CTNNA2: variants seen among roughly 807,000 people sequenced by gnomAD.
CTNNA2 encodes catenin alpha 2.
Under a neutral mutation model 101.0 loss-of-function variants are expected in CTNNA2, and 42 were observed. The ratio of observed to expected loss-of-function variants is 0.42; its 90% CI spans 0.32 to 0.54. CTNNA2 has a LOEUF of 0.54. Among genes scored for constraint, CTNNA2 ranks in the 20% least tolerant of loss-of-function variants. The pLI, the probability that CTNNA2 is intolerant of heterozygous loss-of-function variation, is 0.14. For missense variants in CTNNA2, 871 were observed against 1,223.1 expected, an observed-to-expected ratio of 0.71 and a Z score of 4.29; for synonymous variants, 450 against 456.4, an observed-to-expected ratio of 0.99 and a Z score of 0.18.
At chr2:79,350,358 T>C (rs1416697909) in intron 3 of CTNNA2, among the ~76,000 whole-genome samples, 1 of 152,168 alleles carries the variant, frequency 6.6e-6, no homozygotes, top group Non-Finnish European at 1.5e-5. Context: ...ATTGTTTAGC[T>C]ACCACTTATA....
chr2:80,514,753 G>A (rs570652339), intron 9 of CTNNA2, among the ~76,000 whole-genome samples: 18 of 152,200 alleles, frequency 1.2e-4, no homozygotes, highest in South Asian at 6.2e-4. Flanking sequence ...CAGTCAAGCC[G>A]CTTCTGTCTC....
At chr2:80,155,765 CA>C (rs1426305178) in intron 7 of CTNNA2, among the ~76,000 whole-genome samples, 1 of 152,068 alleles carries the variant, frequency 6.6e-6, no homozygotes, top group Non-Finnish European at 1.5e-5. Context: ...TTGACCCTCT[CA>C]AAATTAAAAT....
chr2:80,055,203 A>T (rs1455030868), intron 7 of CTNNA2, among the ~76,000 whole-genome samples: 4 of 151,728 alleles, frequency 2.6e-5, no homozygotes, highest in Non-Finnish European at 5.9e-5. Flanking sequence ...ACTTCTTTTC[A>T]TTTTTTTAAG....
At chr2:80,586,386 C>A (rs1695973252) in intron 14 of CTNNA2, 1 of 152,134 alleles carries the variant, frequency 6.6e-6, no homozygotes, top group Non-Finnish European at 1.5e-5. Flanking sequence ...GTCTGGGAGT[C>A]TGCTGGTAGT....
chr2:80,372,605 G>A (rs753705215), intron 7 of CTNNA2, among the ~76,000 whole-genome samples: 5 of 151,540 alleles, frequency 3.3e-5, no homozygotes, highest in African/African-American at 7.3e-5. Flanking sequence ...AACAATCAAG[G>A]TCAAGTGTTT....
intron 3 of CTNNA2, among the ~76,000 whole-genome samples, chr2:79,822,112 T>C (rs1266180830): frequency 1.3e-5 from 2 of 152,196 alleles, no homozygotes; most frequent in Non-Finnish European, 2.9e-5. Context: ...GGTAGCTTTA[T>C]TTCAGAAAGT....
chr2:79,565,310 A>G (rs1359822674), intron 1 of CTNNA2, among the ~76,000 whole-genome samples: 1 of 151,708 alleles, frequency 6.6e-6, no homozygotes, highest in East Asian at 1.9e-4. Flanking sequence ...CTGGTTTCCC[A>G]CCTCAGGTTG....
At chr2:80,222,284 C>G (rs1003714631) in intron 7 of CTNNA2, among the ~76,000 whole-genome samples, 3 of 152,144 alleles carry the variant, frequency 2.0e-5, no homozygotes, top group African/African-American at 7.2e-5. Context: ...AGTCTTACTT[C>G]CACAATAAAT....
chr2:80,313,325 T>A, intron 7 of CTNNA2: 1 of 1,239,150 alleles, frequency 8.1e-7, no homozygotes, highest in Non-Finnish European at 1.0e-6. Context: ...ACGTGTTTGC[T>A]GCTATTCTTG....
chr2:79,692,799 C>G (rs1005563930), intron 2 of CTNNA2, among the ~76,000 whole-genome samples: 1 of 144,664 alleles, frequency 6.9e-6, no homozygotes, highest in Non-Finnish European at 1.5e-5. Flanking sequence ...CACATGTTCT[C>G]ACTCATAAGT....
At chr2:79,188,384 A>G (rs1673810125) in intron 1 of CTNNA2, among the ~76,000 whole-genome samples, 1 of 152,042 alleles carries the variant, frequency 6.6e-6, no homozygotes, top group South Asian at 2.1e-4. Context: ...GATTCTCATC[A>G]TTTTCTGGCT....
intron 7 of CTNNA2, among the ~76,000 whole-genome samples, chr2:79,916,102 T>C (rs544663231): frequency 1.3e-5 from 2 of 152,326 alleles, no homozygotes; most frequent in South Asian, 2.1e-4. Flanking sequence ...CCTATTATTA[T>C]GTAGATGAGG....
chr2:79,939,898 G>A (rs1688036047), intron 7 of CTNNA2, among the ~76,000 whole-genome samples: 1 of 152,250 alleles, frequency 6.6e-6, no homozygotes, highest in South Asian at 2.1e-4. Context: ...TTCGAGACCA[G>A]CCTGACCAAC....
intron 18 of CTNNA2, among the ~76,000 whole-genome samples, chr2:80,645,179 TTAAC>T: frequency 6.6e-6 from 1 of 152,286 alleles, no homozygotes; most frequent in South Asian, 2.1e-4. Flanking sequence ...TGCGATAGAA[TTAAC>T]TAATTTTATG....
At chr2:79,697,541 T>G (rs2104736487) in intron 2 of CTNNA2, among the ~76,000 whole-genome samples, 1 of 152,194 alleles carries the variant, frequency 6.6e-6, no homozygotes, top group Admixed American at 6.5e-5. Context: ...GTTTGTGATT[T>G]AAGTGTTTGA....
At chr2:79,504,312 C>T (rs541155259) in intron 4 of CTNNA2, among the ~76,000 whole-genome samples, 6 of 151,704 alleles carry the variant, frequency 4.0e-5, no homozygotes, top group African/African-American at 7.3e-5. Flanking sequence ...TTTGTTTTGA[C>T]GGAATCTTGC....
intron 2 of CTNNA2, among the ~76,000 whole-genome samples, chr2:79,265,874 G>A (rs993516770): frequency 3.3e-5 from 5 of 152,158 alleles, no homozygotes; most frequent in African/African-American, 1.2e-4. Flanking sequence ...ATAGGTGCAT[G>A]TATAGTTAGT....
intron 7 of CTNNA2, among the ~76,000 whole-genome samples, chr2:80,107,098 G>T (rs1185249999): frequency 6.6e-6 from 1 of 152,128 alleles, no homozygotes; most frequent in Non-Finnish European, 1.5e-5. Context: ...AGAAACTCTA[G>T]GCAGACAGGG....
At chr2:79,699,296 C>T (rs1684837782) in intron 2 of CTNNA2, among the ~76,000 whole-genome samples, 2 of 151,998 alleles carry the variant, frequency 1.3e-5, no homozygotes, top group South Asian at 4.1e-4. Flanking sequence ...GGAGAATTTA[C>T]TTCAATTTTC....
Sources: gnomAD v4.1 joint callset for allele counts (sites outside exome capture counted in the v4.1 genomes callset) on GRCh38, gnomAD v4.1.1 for gene constraint, MANE v1.5 for transcripts, NCBI Gene and HGNC (gene_info 2026-07-23, HGNC 2026-07-21) for gene names.